Variants in MYO16 observed in about 807,000 individuals in gnomAD.
MYO16 encodes the protein unconventional myosin-XVI.
Under a neutral mutation model 205.3 loss-of-function variants are expected in MYO16, and 94 were observed. The ratio of observed to expected loss-of-function variants is 0.46; its 90% CI spans 0.39 to 0.54. The LOEUF (loss-of-function observed/expected upper bound fraction) is 0.54, where lower values mean the gene tolerates loss of function less well. MYO16 is among the 20% of genes least tolerant of loss of function. The probability of loss-of-function intolerance (pLI) is 0.00; values close to 1 mark genes in which losing one functional copy is unlikely to be tolerated. For missense variants in MYO16, 2,315 were observed against 2,387.5 expected (o/e 0.97, Z 0.63); for synonymous variants, 988 against 954.0 (o/e 1.04, Z -0.66).
intron 16 of MYO16, among the ~76,000 whole-genome samples, chr13:108,936,811 A>G (rs955352317): frequency 6.6e-6 from 1 of 152,106 alleles, no homozygotes; most frequent in African/African-American, 2.4e-5. Context: ...AAATTCTTAC[A>G]TTTAAGAGTG....
intron 34 of MYO16, among the ~76,000 whole-genome samples, chr13:109,198,527 G>A (rs1160068923): frequency 6.6e-6 from 1 of 152,034 alleles, no homozygotes; most frequent in African/African-American, 2.4e-5. Flanking sequence ...AGTATTTTCT[G>A]GGTTGCTTTT....
chr13:109,202,036 A>G (rs1037412796), intron 34 of MYO16, among the ~76,000 whole-genome samples: 2 of 152,084 alleles, frequency 1.3e-5, no homozygotes, highest in Non-Finnish European at 2.9e-5. Context: ...CATACATATG[A>G]TCATATATGG....
At chr13:108,992,566 C>G in intron 21 of MYO16, 118 bp downstream of exon 21, 3 of 592,466 alleles carry the variant, frequency 5.1e-6, no homozygotes, top group Non-Finnish European at 8.5e-6. Flanking sequence ...AATAAGTACT[C>G]TAATGTTTTA....
intron 34 of MYO16, among the ~76,000 whole-genome samples, chr13:109,195,089 T>C (rs531124689): frequency 6.6e-6 from 1 of 152,116 alleles, no homozygotes; most frequent in South Asian, 2.1e-4. Flanking sequence ...TGTTCCAGTA[T>C]AATGTTACTT....
At chr13:109,128,066 T>C (rs550284222) in intron 31 of MYO16, among the ~76,000 whole-genome samples, 2 of 152,334 alleles carry the variant, frequency 1.3e-5, no homozygotes, top group South Asian at 4.1e-4. Context: ...AAAGGGAACA[T>C]AGCAGTTTCT....
the MYO16 span, among the ~76,000 whole-genome samples, chr13:108,510,425 A>ATT: frequency 0.02 from 1,963 of 97,014 alleles, 82 homozygotes; most frequent in African/African-American, 0.064. Flanking sequence ...TAGATAGTTA[A>ATT]TTTTTTTTTT....
chr13:108,975,645 C>T (rs1368240603), intron 20 of MYO16, among the ~76,000 whole-genome samples: 1 of 152,132 alleles, frequency 6.6e-6, no homozygotes, highest in Non-Finnish European at 1.5e-5. Flanking sequence ...ATAGACACGT[C>T]TCCTTTGCTT....
rs113165653 is a variant in MYO16 at position 109,064,503 on chromosome 13, A to G, written c.3335+8908A>G. On this transcript the variant is annotated intron_variant, in intron 27 of 34. Transcript: ENST00000457511. ...TGTTCTGTAGAACAAAAAATCCTAAATCAGTGGCTTGCAACAGCAAATGTT... is the reference window on the plus strand; with the variant it reads ...TGTTCTGTAGAACAAAAAATCCTAAGTCAGTGGCTTGCAACAGCAAATGTT... Among the ~76,000 whole-genome samples, 704 of 152,266 alleles carry G rather than the reference A, an allele frequency of 4.6e-3. 6 individuals carry two copies. The highest frequency in any genetic ancestry group is 0.016 in the African/African-American group (671 of 41,564).
rs182755131 is a variant in MYO16 at position 109,060,027 on chromosome 13, C to A, written c.3335+4432C>A. On this transcript the variant is annotated intron_variant, in intron 27 of 34. Coordinates refer to ENST00000457511, the MANE Select transcript of MYO16 (RefSeq NM_001198950.3). ...ATGTGGAGAAATAGGAATGCTCTTA[C>A]ACTGTTGGTGGCAGTGTAAATTAGT... Among the ~76,000 whole-genome samples the A allele has an allele frequency of 3.6e-3, 553 of 152,236 alleles. 4 individuals are homozygous for A. Among genetic ancestry groups the A allele is most frequent in the African/African-American group, 0.012 (500 of 41,546 alleles).
intron 10 of MYO16, among the ~76,000 whole-genome samples, chr13:108,846,525 G>C (rs1281856733): frequency 1.3e-5 from 1 of 74,122 alleles, no homozygotes; most frequent in African/African-American, 5.1e-5. Context: ...TATATCCTTT[G>C]GGGGGGAATA....
intron 1 of MYO16, among the ~76,000 whole-genome samples, chr13:108,621,342 G>A (rs968587437): frequency 1.2e-4 from 19 of 152,066 alleles, no homozygotes; most frequent in African/African-American, 2.4e-4. Flanking sequence ...CTTATTTGCC[G>A]TTTTGCTCTC....
intron 27 of MYO16, among the ~76,000 whole-genome samples, chr13:109,079,143 A>G (rs554317889): frequency 2.0e-5 from 3 of 152,254 alleles, no homozygotes; most frequent in East Asian, 3.9e-4. Context: ...TCTGTGTCAA[A>G]GCCCAGAAAC....
chr13:108,962,414 T>G lies in MYO16; in HGVS notation c.2156-10T>G, dbSNP rs1883623850. On this transcript the variant is annotated splice_polypyrimidine_tract_variant and intron_variant, in intron 18 of 34. Transcript: ENST00000457511. ...CTAACTTTATGTTTATAATGCTGATTTAATTTTAGTGGCTGGAATGTTACA... is the reference window on the plus strand; with the variant it reads ...CTAACTTTATGTTTATAATGCTGATGTAATTTTAGTGGCTGGAATGTTACA... 6.3e-7 allele frequency: 1 copy of G among 1,599,888 alleles called. No homozygotes were observed. The highest frequency in any genetic ancestry group is 8.5e-7 in the Non-Finnish European group (1 of 1,173,258).
intron 2 of MYO16, among the ~76,000 whole-genome samples, chr13:108,703,175 A>G (rs915401696): frequency 6.6e-6 from 1 of 152,170 alleles, no homozygotes; most frequent in Non-Finnish European, 1.5e-5. Context: ...TTTGCCTGTA[A>G]GAGACATCTA....
the MYO16 span, among the ~76,000 whole-genome samples, chr13:108,582,189 C>T: frequency 1.3e-5 from 2 of 152,024 alleles, no homozygotes; most frequent in Non-Finnish European, 2.9e-5. Context: ...TTTTTGGGAC[C>T]TTCTCTTGAC....
chr13:108,853,738 G>A (rs1878011990), intron 10 of MYO16, among the ~76,000 whole-genome samples: 1 of 151,666 alleles, frequency 6.6e-6, no homozygotes, highest in Admixed American at 6.6e-5. Flanking sequence ...AAGTAGCTGG[G>A]ACTACAGTGC....
intron 14 of MYO16, among the ~76,000 whole-genome samples, chr13:108,889,251 A>ACT (rs10656457): frequency 0.78 from 118,446 of 151,922 alleles, 46,472 homozygotes; most frequent in East Asian, 1. Flanking sequence ...CAGATTTTAA[A>ACT]CTATTTGGAA....
At chr13:109,028,884 AT>A (rs957640734) in intron 23 of MYO16, among the ~76,000 whole-genome samples, 5 of 151,338 alleles carry the variant, frequency 3.3e-5, no homozygotes, top group African/African-American at 1.2e-4. Flanking sequence ...GAAGTCACTG[AT>A]TTGTAGCCCG....
At chr13:108,583,892 AG>A in the MYO16 span, among the ~76,000 whole-genome samples, 1 of 152,220 alleles carries the variant, frequency 6.6e-6, no homozygotes. Flanking sequence ...CATTATCAAA[AG>A]ATTAAAAATA....
Sources: allele counts gnomAD v4.1 joint callset (sites outside exome capture counted in the v4.1 genomes callset), GRCh38; gene constraint gnomAD v4.1.1; transcripts MANE v1.5; gene names NCBI Gene and HGNC (gene_info 2026-07-23, HGNC 2026-07-21).